DTWD2: variants seen among roughly 807,000 people sequenced by gnomAD.
DTWD2 encodes the protein tRNA-uridine aminocarboxypropyltransferase 2.
A neutral mutation model predicts 31.8 loss-of-function variants in DTWD2; 39 were observed. That is an observed-to-expected ratio of 1.22 (90% CI 0.95 to 1.60). The LOEUF is 1.60. Ranked by LOEUF, DTWD2 falls within the 40% of genes most tolerant of loss-of-function variation. DTWD2 has a pLI of 0.00. For missense variants in DTWD2, 515 were observed against 381.5 expected, an observed-to-expected ratio of 1.35 and a Z score of -2.92; for synonymous variants, 180 against 142.8, an observed-to-expected ratio of 1.26 and a Z score of -1.86.
chr5:118,952,258 C>T (rs906478561), intron 1 of DTWD2, among the ~76,000 whole-genome samples: 4 of 152,182 alleles, frequency 2.6e-5, no homozygotes, highest in Admixed American at 6.5e-5. Flanking sequence ...ATCCGAGTCA[C>T]GGCACCAAAT....
intron 4 of DTWD2, among the ~76,000 whole-genome samples, chr5:118,923,589 A>C (rs773963810): frequency 1.3e-5 from 2 of 152,222 alleles, no homozygotes; most frequent in Non-Finnish European, 2.9e-5. Flanking sequence ...ATAAAGCCCT[A>C]GGATCAAGGT....
chr5:118,948,433 A>G (rs1314387507), intron 1 of DTWD2, among the ~76,000 whole-genome samples: 2 of 152,198 alleles, frequency 1.3e-5, no homozygotes, highest in Non-Finnish European at 2.9e-5. Flanking sequence ...GTGAGCCGAG[A>G]TCATGCCACT....
At chr5:118,861,124 A>G (rs561220676) in intron 4 of DTWD2, among the ~76,000 whole-genome samples, 190 of 152,340 alleles carry the variant, frequency 1.2e-3, no homozygotes, top group African/African-American at 4.4e-3. Context: ...GGTTCTAAAA[A>G]TGAAATGATG....
chr5:118,906,084 C>T (rs947959078), intron 4 of DTWD2, among the ~76,000 whole-genome samples: 2 of 152,020 alleles, frequency 1.3e-5, no homozygotes, highest in African/African-American at 4.8e-5. Context: ...CAAATAAGCA[C>T]ATGAAAAGAT....
intron 3 of DTWD2, 59 bp downstream of exon 3, chr5:118,939,137 C>A: frequency 2.7e-6 from 4 of 1,495,064 alleles, no homozygotes; most frequent in Non-Finnish European, 3.6e-6. Context: ...CTGAAAGAAA[C>A]CATTTTTTAA....
At chr5:118,901,574 T>C (rs564514866) in intron 4 of DTWD2, among the ~76,000 whole-genome samples, 1 of 152,194 alleles carries the variant, frequency 6.6e-6, no homozygotes, top group South Asian at 2.1e-4. Flanking sequence ...TATATTAGAG[T>C]ATACCACATG....
intron 1 of DTWD2, among the ~76,000 whole-genome samples, chr5:118,945,589 A>AC (rs1427092930): frequency 2.0e-5 from 3 of 151,974 alleles, no homozygotes; most frequent in Non-Finnish European, 4.4e-5. Flanking sequence ...ATGTGGTGAA[A>AC]CCCCAACTCT....
intron 1 of DTWD2, among the ~76,000 whole-genome samples, chr5:118,977,250 G>A (rs566481392): frequency 6.6e-6 from 1 of 152,274 alleles, no homozygotes; most frequent in Admixed American, 6.5e-5. Context: ...GGCAAACGCT[G>A]GAAGCATTTC....
intron 1 of DTWD2, among the ~76,000 whole-genome samples, chr5:118,951,337 G>A (rs1160066600): frequency 6.6e-6 from 1 of 152,166 alleles, no homozygotes; most frequent in East Asian, 1.9e-4. Flanking sequence ...TAGGTCTGTA[G>A]AAAAGGAGGA....
intron 4 of DTWD2, among the ~76,000 whole-genome samples, chr5:118,916,742 A>T (rs1250623881): frequency 6.6e-6 from 1 of 152,122 alleles, no homozygotes; most frequent in Non-Finnish European, 1.5e-5. Flanking sequence ...TTTGCCTTTC[A>T]ATTTAATGTG....
At chr5:118,944,216 C>T (rs919819700) in intron 2 of DTWD2, among the ~76,000 whole-genome samples, 1 of 152,104 alleles carries the variant, frequency 6.6e-6, no homozygotes, top group Non-Finnish European at 1.5e-5. Flanking sequence ...AGACATCAAG[C>T]ATCAAGAAAC....
intron 4 of DTWD2, among the ~76,000 whole-genome samples, chr5:118,901,738 T>C (rs1753214238): frequency 6.6e-6 from 1 of 152,184 alleles, no homozygotes; most frequent in Admixed American, 6.5e-5. Flanking sequence ...TTTCCTCAGA[T>C]TATCAAAAGA....
chr5:118,930,451 A>G (rs2149579666), intron 3 of DTWD2, among the ~76,000 whole-genome samples: 1 of 152,170 alleles, frequency 6.6e-6, no homozygotes, highest in East Asian at 1.9e-4. Context: ...CATCTTCACA[A>G]AAAAAAATGC....
At chr5:118,929,341 T>C (rs917876612) in intron 3 of DTWD2, among the ~76,000 whole-genome samples, 1 of 152,224 alleles carries the variant, frequency 6.6e-6, no homozygotes, top group East Asian at 1.9e-4. Context: ...CCTGTAACAA[T>C]GGCTGAGTCT....
chr5:118,939,532 A>G (rs1754133730), intron 2 of DTWD2, among the ~76,000 whole-genome samples: 1 of 152,184 alleles, frequency 6.6e-6, no homozygotes, highest in African/African-American at 2.4e-5. Flanking sequence ...AGAAGATTAC[A>G]TTAATATATA....
intron 4 of DTWD2, among the ~76,000 whole-genome samples, chr5:118,857,505 A>G (rs2149542800): frequency 6.6e-6 from 1 of 152,320 alleles, no homozygotes; most frequent in East Asian, 1.9e-4. Context: ...CCCATTTTAC[A>G]AAAATTGGGC....
At chr5:118,925,377 GAA>G (rs1753787912) in intron 4 of DTWD2, among the ~76,000 whole-genome samples, 1 of 152,002 alleles carries the variant, frequency 6.6e-6, no homozygotes, top group Non-Finnish European at 1.5e-5. Flanking sequence ...AATAGAACAT[GAA>G]CAAAAATCTA....
chr5:118,900,865 C>T (rs1269978902), intron 4 of DTWD2, among the ~76,000 whole-genome samples: 1 of 150,664 alleles, frequency 6.6e-6, no homozygotes, highest in Non-Finnish European at 1.5e-5. Flanking sequence ...GCAGAGCTTG[C>T]AGTGACCCGA....
At chr5:118,972,076 C>T (rs545990711) in intron 1 of DTWD2, among the ~76,000 whole-genome samples, 1 of 152,084 alleles carries the variant, frequency 6.6e-6, no homozygotes, top group South Asian at 2.1e-4. Context: ...AGAAACAAGA[C>T]CAAACAAACT....
Sources: gnomAD v4.1 joint callset for allele counts (sites outside exome capture counted in the v4.1 genomes callset) on GRCh38, gnomAD v4.1.1 for gene constraint, MANE v1.5 for transcripts, NCBI Gene and HGNC (gene_info 2026-07-23, HGNC 2026-07-21) for gene names.